Variants in RASD2 observed in about 807,000 individuals in gnomAD.
RASD2 encodes GTP-binding protein Rhes.
RASD2 carries 7 observed loss-of-function variants against 15.8 expected under a neutral mutation model. The ratio of observed to expected loss-of-function variants is 0.44; its 90% confidence interval spans 0.25 to 0.83. RASD2 has a LOEUF of 0.83. RASD2 is among the 40% of genes least tolerant of loss of function. RASD2 has a pLI of 0.20. For synonymous variants in RASD2, 155 were observed against 153.6 expected, an observed-to-expected ratio of 1.01 and a Z score of -0.07; for missense variants, 274 against 382.8, an observed-to-expected ratio of 0.72 and a Z score of 2.37.
At position 35,552,890 on chromosome 22, in the gene RASD2, T is replaced by G. The variant is rs1238716218; in HGVS notation, c.*858T>G. 1.3e-5 allele frequency: 2 copies of G among 152,508 alleles called. No homozygotes were observed. 9.4% of individuals were successfully genotyped at this position (152,508 alleles called of 1,614,324 possible). On this transcript the variant is annotated 3_prime_UTR_variant, in exon 3 of 3. Transcript: ENST00000216127. ...CCCAAACAGGGTTTCCGTGGCCTGT[T>G]TGCAGCTAGACATTGACCTCCGCCA... is the stretch of plus-strand genomic sequence containing the variant.
chr22:35,552,369 T>C lies in RASD2; in HGVS notation c.*337T>C. Reference sequence around the variant, plus strand: ...GAGGGGTGAGGATTGCTGCGTCATATGGAGCCTCCTGGGACAAGCCTCAGG... The same window carrying C: ...GAGGGGTGAGGATTGCTGCGTCATACGGAGCCTCCTGGGACAAGCCTCAGG... On this transcript the variant is annotated 3_prime_UTR_variant, in exon 3 of 3. Transcript: ENST00000216127. 3.1e-6 allele frequency: 1 copy of C among 319,572 alleles called. No individual in the cohort carries two copies. Among genetic ancestry groups the C allele is most frequent in the South Asian group, 5.7e-5 (1 of 17,540 alleles). 19.8% of individuals were successfully genotyped at this position (319,572 alleles called of 1,614,324 possible). A position where few individuals can be genotyped will look rare whatever the true frequency, so the allele number is the denominator to read the frequency against.
chr22:35,547,937 T>C (rs2281122), intron 2 of RASD2, among the ~76,000 whole-genome samples: 118,284 of 152,188 alleles, frequency 0.78, 46,225 homozygotes, highest in South Asian at 0.86. Flanking sequence ...TTAACCCTCA[T>C]AGTAAATAGT....
chr22:35,544,257 G>A (rs944610989), intron 1 of RASD2, among the ~76,000 whole-genome samples: 1 of 152,226 alleles, frequency 6.6e-6, no homozygotes, highest in Non-Finnish European at 1.5e-5. Context: ...TCATGGGGTA[G>A]GGCTTCTTTC....
rs1460797078 is a variant in RASD2 at position 35,551,893 on chromosome 22, G to A, written c.662G>A (p.Arg221His). 3.1e-6 allele frequency: 5 copies of A among 1,613,122 alleles called. No individual in the cohort carries two copies. Among genetic ancestry groups the A allele is most frequent in the Admixed American group, 1.7e-5 (1 of 59,988 alleles). ...CACCCCAGGCCCTTCTGCATGCGCC[G>A]CGTCAAGGAGATGGACGCCTATGGC... ...AFHPRPFCMR[R>H]VKEMDAYGMV... Residue 221 changes from arginine (R) to histidine (H), a missense_variant, in exon 3 of 3, where the codon CGC becomes CAC. Transcript: ENST00000216127. The surrounding 1 kb of genome is among the most constrained non-coding windows in gnomAD (Gnocchi z 4.9).
At chr22:35,549,584 C>T (rs544140883) in intron 2 of RASD2, among the ~76,000 whole-genome samples, 48 of 152,302 alleles carry the variant, frequency 3.2e-4, no homozygotes, top group African/African-American at 9.4e-4. Context: ...GCCAAGCTGA[C>T]GCTGCCTCGC....
At chr22:35,533,550 G>GTGA in the RASD2 span, among the ~76,000 whole-genome samples, 14 of 106,706 alleles carry the variant, frequency 1.3e-4, no homozygotes, top group East Asian at 3.5e-3. Flanking sequence ...GGTGGTGATG[G>GTGA]TGATGATGAT....
chr22:35,551,441 C>A lies in RASD2; in HGVS notation c.272-62C>A. On this transcript the variant is annotated intron_variant, in intron 2 of 2. Transcript: ENST00000216127. The surrounding 1 kb of genome is among the most constrained non-coding windows in gnomAD (Gnocchi z 4.9). ...AGCTCTTAGGGCTGATGTTCTGTGG[C>A]CAGAGGAGGGCAGGGGTTGCAGCTG... is the stretch of plus-strand genomic sequence containing the variant. 1.3e-6 allele frequency: 2 copies of A among 1,537,958 alleles called. No individual in the cohort carries two copies. The highest frequency in any genetic ancestry group is 1.8e-6 in the Non-Finnish European group (2 of 1,128,408).
At chr22:35,544,936 T>C (rs1472609872) in intron 1 of RASD2, among the ~76,000 whole-genome samples, 1 of 152,164 alleles carries the variant, frequency 6.6e-6, no homozygotes, top group Non-Finnish European at 1.5e-5. Context: ...CCAGCTATGA[T>C]TATTTCTATA....
chr22:35,541,124 C>T lies in RASD2; in HGVS notation c.-386C>T, dbSNP rs1359663008. 1 of 152,376 alleles carries T rather than the reference C, an allele frequency of 6.6e-6. No homozygotes were observed. The highest frequency in any genetic ancestry group is 1.5e-5 in the Non-Finnish European group (1 of 68,202). The allele number at this position is 152,376 out of a possible 1,614,324, so 9.4% of individuals were successfully genotyped here. On this transcript the variant is annotated 5_prime_UTR_variant, in exon 1 of 3. Transcript: ENST00000216127. ...CATCACTGGAGTCGCCCCTACCTCTCTGCCCCCAGCCCGAGAGCCCCAGGC... is the reference window on the plus strand; with the variant it reads ...CATCACTGGAGTCGCCCCTACCTCTTTGCCCCCAGCCCGAGAGCCCCAGGC...
chr22:35,537,474 A>G (rs888900237), upstream of RASD2, among the ~76,000 whole-genome samples: 4 of 152,224 alleles, frequency 2.6e-5, no homozygotes, highest in Admixed American at 1.3e-4. Context: ...CTACGGAGGA[A>G]GTAATCATGG....
At chr22:35,539,024 T>C (rs1288834467), upstream of RASD2, among the ~76,000 whole-genome samples, 1 of 152,170 alleles carries the variant, frequency 6.6e-6, no homozygotes. Context: ...GTGGCCTAAA[T>C]TGGGGCATTA....
intron 1 of RASD2, 73 bp from the exon 2 acceptor site, chr22:35,546,728 C>G (rs899710855): frequency 9.7e-6 from 15 of 1,542,594 alleles, no homozygotes; most frequent in Non-Finnish European, 1.2e-5. Flanking sequence ...TAGACAGAGG[C>G]CTAGAGGAGG....
chr22:35,553,521 G>A lies in RASD2; in HGVS notation c.*1489G>A, dbSNP rs1934734790. On this transcript the variant is annotated 3_prime_UTR_variant, in exon 3 of 3. Coordinates refer to ENST00000216127, the MANE Select transcript of RASD2 (RefSeq NM_014310.4). ...TCTTTCTGAGGTTCAGAGAGGGTAA[G>A]TAACTTCCTCCAGGTCACACAGCAA... 1 of 152,380 alleles carries A rather than the reference G, an allele frequency of 6.6e-6. No homozygotes were observed. The highest frequency in any genetic ancestry group is 2.4e-5 in the African/African-American group (1 of 41,404). 9.4% of individuals were successfully genotyped at this position (152,380 alleles called of 1,614,324 possible).
upstream of RASD2, among the ~76,000 whole-genome samples, chr22:35,539,278 TAGGTAGTTACGGAG>T: frequency 6.6e-6 from 1 of 152,260 alleles, no homozygotes; most frequent in South Asian, 2.1e-4. Flanking sequence ...GTCAGATATC[TAGGTAGTTACGGAG>T]ACAGGACTTG....
At chr22:35,547,946 G>A (rs139071762) in intron 2 of RASD2, among the ~76,000 whole-genome samples, 4 of 152,342 alleles carry the variant, frequency 2.6e-5, no homozygotes, top group Non-Finnish European at 5.9e-5. Context: ...ATAGTAAATA[G>A]TTATTCATTC....
At chr22:35,541,724 C>T (rs1934353295) in intron 1 of RASD2, among the ~76,000 whole-genome samples, 1 of 152,102 alleles carries the variant, frequency 6.6e-6, no homozygotes, top group African/African-American at 2.4e-5. Context: ...AGTGCTATAC[C>T]CTTGACTTAA....
Position 35,551,253 on chromosome 22 carries a change from C to T in RASD2, c.272-250C>T, listed in dbSNP as rs1342019589. On this transcript the variant is annotated intron_variant, in intron 2 of 2. Coordinates refer to ENST00000216127, the MANE Select transcript of RASD2 (RefSeq NM_014310.4). The surrounding 1 kb of genome is among the most constrained non-coding windows in gnomAD (Gnocchi z 4.9). ...AACTGTATTTGAACCAAGTGGTCCA[C>T]GTGTTAGCTATGCGACTGTGAACAG... Among the ~76,000 whole-genome samples the T allele has an allele frequency of 2.0e-5, 3 of 152,192 alleles. No individual in the cohort carries two copies. Among genetic ancestry groups the T allele is most frequent in the Non-Finnish European group, 2.9e-5 (2 of 68,046 alleles).
rs554009699 is a variant in RASD2, at chr22:35,546,784, C to G, written c.-9-17C>G. The G allele has an allele frequency of 9.9e-6, 16 of 1,608,790 alleles. No homozygotes were observed. In the East Asian group the frequency reaches 3.6e-4, roughly 36 times the overall value. The stretch of plus-strand genomic sequence containing the variant: ...GTCGGGGGGGCCCTGATGCCTGCTT[C>G]TCTCGCTTTGTTGCAGCCCCGAGCC... On this transcript the variant is annotated splice_polypyrimidine_tract_variant and intron_variant, in intron 1 of 2. Transcript: ENST00000216127.
Position 35,541,251 on chromosome 22 carries a change from C to G in RASD2, c.-259C>G, listed in dbSNP as rs1053730296. On this transcript the variant is annotated 5_prime_UTR_variant, in exon 1 of 3. Transcript: ENST00000216127. ...GGGCCGGCGGCGGCGAGCCGGAGCC[C>G]GCCCCCTGCCCGGGCCCCGCCGAGC... 1 of 151,840 alleles carries G rather than the reference C, an allele frequency of 6.6e-6. No individual in the cohort carries two copies. 9.4% of individuals were successfully genotyped at this position (151,840 alleles called of 1,614,324 possible).
Sources: gnomAD v4.1 joint callset for allele counts (sites outside exome capture counted in the v4.1 genomes callset) on GRCh38, gnomAD v4.1.1 for gene constraint, Gnocchi (gnomAD v3.1) non-coding constraint, MANE v1.5 for transcripts, NCBI Gene and HGNC (gene_info 2026-07-23, HGNC 2026-07-21) for gene names.